Variants in TP53BP1 observed in about 807,000 individuals in gnomAD.
The protein encoded by TP53BP1 is TP53-binding protein 1.
In TP53BP1, 61 loss-of-function variants were observed where a neutral mutation model predicts 200.8. That is an observed-to-expected ratio of 0.30 (90% CI 0.25 to 0.38). TP53BP1 has a LOEUF of 0.38. TP53BP1 is among the 10% of genes least tolerant of loss of function. The pLI, the probability that TP53BP1 is intolerant of heterozygous loss-of-function variation, is 1.00. For synonymous variants in TP53BP1, 822 were observed against 844.3 expected, an observed-to-expected ratio of 0.97 and a Z score of 0.46; for missense variants, 2,144 against 2,371.9, an observed-to-expected ratio of 0.90 and a Z score of 2.00.
intron 11 of TP53BP1, among the ~76,000 whole-genome samples, chr15:43,462,795 G>C (rs1273796905): frequency 6.6e-6 from 1 of 152,146 alleles, no homozygotes; most frequent in African/African-American, 2.4e-5. Context: ...GGTGGCTCAT[G>C]CCTGTAATTC....
At chr15:43,468,875 AAATTCT>A (rs1240901217) in intron 11 of TP53BP1, among the ~76,000 whole-genome samples, 43 of 152,198 alleles carry the variant, frequency 2.8e-4, no homozygotes, top group African/African-American at 1.0e-3. Context: ...TAACGCTACC[AAATTCT>A]AATGAACTGC....
At chr15:43,414,033 A>G in intron 23 of TP53BP1, 1 of 440,966 alleles carries the variant, frequency 2.3e-6, no homozygotes, top group South Asian at 1.7e-5. Flanking sequence ...AGTCCTTGAG[A>G]AAAAAAACAG....
rs377309492 is a variant in TP53BP1, at chr15:43,448,860, C to T, written c.2717-1375G>A. On this transcript the variant is annotated intron_variant, in intron 12 of 27. Transcript: ENST00000382044. The stretch of plus-strand genomic sequence containing the variant: ...TGTAAAGAGGGGCCAGGTACCATGG[C>T]TCATGCCTGTAATCCCAACACTTTG... 1.9e-3 allele frequency among the ~76,000 whole-genome samples: 293 copies of T among 152,350 alleles called. 2 individuals are homozygous for T. Among genetic ancestry groups the T allele is most frequent in the African/African-American group, 6.6e-3 (273 of 41,564 alleles).
chr15:43,499,016 C>CA (rs1483118004), intron 1 of TP53BP1, among the ~76,000 whole-genome samples: 5 of 148,244 alleles, frequency 3.4e-5, no homozygotes, highest in Non-Finnish European at 6.0e-5. Context: ...AAAACAACAA[C>CA]AACAAAAAAA....
chr15:43,484,807 G>A (rs527274690), intron 4 of TP53BP1, among the ~76,000 whole-genome samples: 13 of 151,474 alleles, frequency 8.6e-5, no homozygotes, highest in South Asian at 2.1e-4. Context: ...CTAGAGTGCA[G>A]TGAAGCAATC....
In TP53BP1 at chr15:43,432,694, T is replaced by G; in HGVS notation, c.3192-17A>C. 1 of 1,587,682 alleles carries G rather than the reference T, an allele frequency of 6.3e-7. No homozygotes were observed. The highest frequency in any genetic ancestry group is 8.6e-7 in the Non-Finnish European group (1 of 1,166,462). On this transcript the variant is annotated splice_polypyrimidine_tract_variant and intron_variant, in intron 16 of 27. Coordinates refer to ENST00000382044, the MANE Select transcript of TP53BP1 (RefSeq NM_001141980.3). ...AAGTTCCCCCTGAAAATGCAACATA[T>G]AAAGAAGCCATGTCAATTAAGCAAG...
chr15:43,508,465 C>A (rs2079250595), intron 1 of TP53BP1, among the ~76,000 whole-genome samples: 1 of 152,172 alleles, frequency 6.6e-6, no homozygotes, highest in South Asian at 2.1e-4. Flanking sequence ...TGGGACCAAC[C>A]TGTGCAACAC....
intron 12 of TP53BP1, among the ~76,000 whole-genome samples, chr15:43,451,771 C>G (rs888464006): frequency 3.9e-5 from 6 of 152,194 alleles, no homozygotes; most frequent in Non-Finnish European, 7.3e-5. Flanking sequence ...GTGACTTCCA[C>G]AATGGTTGAA....
intron 23 of TP53BP1, 130 bp from the exon 24 acceptor site, chr15:43,413,464 C>T: frequency 1.4e-6 from 1 of 703,564 alleles, no homozygotes; most frequent in Admixed American, 3.0e-5. Context: ...CTTATCTGAG[C>T]CAGAAACCAA....
chr15:43,442,285 A>G (rs2143002744), intron 14 of TP53BP1, among the ~76,000 whole-genome samples: 1 of 151,722 alleles, frequency 6.6e-6, no homozygotes. Flanking sequence ...ACGGGGTTTC[A>G]CCGTGTTAGC....
In TP53BP1 at chr15:43,438,341, G is replaced by A. The variant is rs750723427; in HGVS notation, c.3174C>T (p.Pro1058=). 6.2e-7 allele frequency: 1 copy of A among 1,613,632 alleles called. No homozygotes were observed. The highest frequency in any genetic ancestry group is 8.5e-7 in the Non-Finnish European group (1 of 1,179,796). The stretch of plus-strand genomic sequence containing the variant: ...ATGCTTACCTGATGGGTGTGGTGGG[G>A]GGATCCTCACTTCGAGCCTCATTCT... ...RQENEARSED[P]PTTPIRGNLL... is the part of the protein sequence containing the mutation. Residue 1058 remains proline, a synonymous_variant, in exon 16 of 28, where the codon CCC becomes CCT. Coordinates refer to ENST00000382044, the MANE Select transcript of TP53BP1 (RefSeq NM_001141980.3).
intron 12 of TP53BP1, among the ~76,000 whole-genome samples, chr15:43,450,397 C>A (rs2046138984): frequency 1.3e-5 from 2 of 152,206 alleles, no homozygotes; most frequent in Non-Finnish European, 2.9e-5. Flanking sequence ...CGATATCATG[C>A]ATGAAGTCTA....
At chr15:43,439,243 A>T (rs1262124741) in intron 15 of TP53BP1, among the ~76,000 whole-genome samples, 2 of 152,190 alleles carry the variant, frequency 1.3e-5, no homozygotes, top group Non-Finnish European at 2.9e-5. Flanking sequence ...ACAACACTTA[A>T]AAGTTTCATG....
intron 23 of TP53BP1, among the ~76,000 whole-genome samples, chr15:43,413,677 C>A (rs2045188541): frequency 6.6e-6 from 1 of 151,756 alleles, no homozygotes; most frequent in Admixed American, 6.6e-5. Flanking sequence ...GGTTCTAATA[C>A]AAAGAAATAG....
chr15:43,481,520 A>T (rs926975452), intron 4 of TP53BP1, among the ~76,000 whole-genome samples: 3 of 149,934 alleles, frequency 2.0e-5, no homozygotes, highest in African/African-American at 7.4e-5. Context: ...TTTTTTTTTT[A>T]AGAGACAGAG....
intron 4 of TP53BP1, among the ~76,000 whole-genome samples, chr15:43,481,687 C>T (rs1350472726): frequency 6.7e-6 from 1 of 150,190 alleles, no homozygotes; most frequent in African/African-American, 2.5e-5. Flanking sequence ...TGGTGGCATG[C>T]GCCTGTAGTC....
At chr15:43,504,224 ACCTCAAGTGATACTTTTG>A in intron 1 of TP53BP1, among the ~76,000 whole-genome samples, 1 of 152,294 alleles carries the variant, frequency 6.6e-6, no homozygotes, top group Middle Eastern at 3.4e-3. Context: ...GCTCACTGCA[ACCTCAAGTGATACTTTTG>A]CCTCAAGTGA....
At chr15:43,480,758 T>C (rs923126307) in intron 5 of TP53BP1, 137 bp downstream of exon 5, 1 of 997,648 alleles carries the variant, frequency 1.0e-6, no homozygotes, top group East Asian at 2.4e-5. Context: ...TTTAAATTAC[T>C]AGCAAATTTC....
intron 4 of TP53BP1, 105 bp downstream of exon 4, chr15:43,491,564 A>G: frequency 1.1e-6 from 1 of 879,548 alleles, no homozygotes; most frequent in Non-Finnish European, 1.9e-6. Context: ...TTCCTAATCC[A>G]CAAGAAAGAG....
Sources: allele counts gnomAD v4.1 joint callset (sites outside exome capture counted in the v4.1 genomes callset), GRCh38; gene constraint gnomAD v4.1.1; transcripts MANE v1.5; gene names NCBI Gene and HGNC (gene_info 2026-07-23, HGNC 2026-07-21).